KIAA1217: variants seen among roughly 807,000 people sequenced by gnomAD.
The protein encoded by KIAA1217 is KIAA1217, also known as sickle tail protein homolog.
Under a neutral mutation model 163.9 loss-of-function variants are expected in KIAA1217, and 88 were observed. The observed-to-expected ratio is 0.54, with a 90% CI of 0.45 to 0.64. The LOEUF (loss-of-function observed/expected upper bound fraction) is 0.64, where lower values mean the gene tolerates loss of function less well. KIAA1217 is among the 30% of genes least tolerant of loss of function. The probability of loss-of-function intolerance (pLI) is 0.00; values close to 1 mark genes in which losing one functional copy is unlikely to be tolerated. For missense variants in KIAA1217, 2,372 were observed against 2,475.0 expected (o/e 0.96, Z 0.88); for synonymous variants, 903 against 923.1 (o/e 0.98, Z 0.39).
intron 1 of KIAA1217, among the ~76,000 whole-genome samples, chr10:23,918,018 A>ATT (rs145898839): frequency 6.7e-6 from 1 of 149,916 alleles, no homozygotes; most frequent in African/African-American, 2.4e-5. Flanking sequence ...TTATCCCACA[A>ATT]TTTTTTTTTT....
chr10:24,173,451 C>T (rs1260872556), intron 2 of KIAA1217, among the ~76,000 whole-genome samples: 1 of 152,084 alleles, frequency 6.6e-6, no homozygotes, highest in African/African-American at 2.4e-5. Context: ...CTCAAAACCA[C>T]CCCCTGACCC....
intron 5 of KIAA1217, among the ~76,000 whole-genome samples, chr10:24,462,031 GA>G (rs1459912826): frequency 3.3e-5 from 5 of 152,122 alleles, no homozygotes; most frequent in African/African-American, 1.2e-4. Flanking sequence ...TGTGACTGAT[GA>G]TGACTTTGTG....
intron 1 of KIAA1217, among the ~76,000 whole-genome samples, chr10:23,751,761 T>A (rs1839749876): frequency 6.6e-6 from 1 of 152,214 alleles, no homozygotes; most frequent in South Asian, 2.1e-4. Flanking sequence ...TACTGTATTT[T>A]AAGCCATCTG....
At chr10:24,374,250 C>T (rs2052131986) in intron 2 of KIAA1217, among the ~76,000 whole-genome samples, 1 of 152,186 alleles carries the variant, frequency 6.6e-6, no homozygotes, top group African/African-American at 2.4e-5. Context: ...AGATATGCAC[C>T]GTTGGAAGTT....
At chr10:23,981,165 T>TA (rs1425072044) in intron 1 of KIAA1217, among the ~76,000 whole-genome samples, 1 of 152,260 alleles carries the variant, frequency 6.6e-6, no homozygotes, top group African/African-American at 2.4e-5. Flanking sequence ...CTGTTGAAGA[T>TA]ATTTATCAAT....
At chr10:24,541,626 T>C (rs1213614318) in intron 17 of KIAA1217, among the ~76,000 whole-genome samples, 1 of 152,168 alleles carries the variant, frequency 6.6e-6, no homozygotes, top group African/African-American at 2.4e-5. Flanking sequence ...CAGCAGTGCC[T>C]TGGAACCGAC....
At chr10:24,395,378 A>G (rs1244411024) in intron 3 of KIAA1217, among the ~76,000 whole-genome samples, 28 of 152,150 alleles carry the variant, frequency 1.8e-4, no homozygotes, top group Non-Finnish European at 5.9e-5. Flanking sequence ...CTGCACATAC[A>G]TCCCAAGTTA....
At chr10:24,075,184 C>T (rs1397156622) in intron 2 of KIAA1217, among the ~76,000 whole-genome samples, 1 of 151,130 alleles carries the variant, frequency 6.6e-6, no homozygotes, top group African/African-American at 2.4e-5. Context: ...CACATGCTCA[C>T]TACAGCCTCA....
chr10:23,778,561 A>C (rs1835109384), intron 1 of KIAA1217, among the ~76,000 whole-genome samples: 1 of 152,220 alleles, frequency 6.6e-6, no homozygotes, highest in Non-Finnish European at 1.5e-5. Flanking sequence ...CAGGGTAACT[A>C]GAAGTGGGAC....
chr10:24,181,239 G>A (rs1311531737), intron 2 of KIAA1217, among the ~76,000 whole-genome samples: 1 of 152,218 alleles, frequency 6.6e-6, no homozygotes, highest in East Asian at 1.9e-4. Context: ...TCTGAGAGGG[G>A]AACCTAATCT....
At chr10:23,778,455 T>TTGC (rs142457289) in intron 1 of KIAA1217, among the ~76,000 whole-genome samples, 1,566 of 152,298 alleles carry the variant, frequency 0.01, 45 homozygotes, top group African/African-American at 0.031. Flanking sequence ...AGATATTGCA[T>TTGC]TGTTGTCAAG....
At chr10:23,731,940 C>G (rs1359301239) in intron 1 of KIAA1217, among the ~76,000 whole-genome samples, 1 of 151,964 alleles carries the variant, frequency 6.6e-6, no homozygotes, top group African/African-American at 2.4e-5. Flanking sequence ...CCTTGCATAC[C>G]TGGGATAAAT....
intron 3 of KIAA1217, among the ~76,000 whole-genome samples, chr10:24,412,065 T>C (rs1482995540): frequency 6.6e-6 from 1 of 152,050 alleles, no homozygotes; most frequent in Non-Finnish European, 1.5e-5. Context: ...GAATCATCAG[T>C]GTAACCAAAA....
chr10:24,334,092 G>A (rs1030553797), intron 2 of KIAA1217, among the ~76,000 whole-genome samples: 7 of 152,152 alleles, frequency 4.6e-5, no homozygotes, highest in African/African-American at 1.7e-4. Context: ...TTAAAATTAT[G>A]AGCAATTGTG....
At chr10:23,750,426 T>A (rs536031938) in intron 1 of KIAA1217, among the ~76,000 whole-genome samples, 221 of 152,312 alleles carry the variant, frequency 1.5e-3, no homozygotes, top group African/African-American at 5.1e-3. Flanking sequence ...CTGTTTCAAC[T>A]GCCTAGAAAC....
At chr10:24,456,200 A>G (rs1470030010) in intron 5 of KIAA1217, among the ~76,000 whole-genome samples, 1 of 152,090 alleles carries the variant, frequency 6.6e-6, no homozygotes, top group Non-Finnish European at 1.5e-5. Flanking sequence ...CCATTTTCTC[A>G]AATATGATAT....
intron 1 of KIAA1217, among the ~76,000 whole-genome samples, chr10:23,720,303 G>T (rs1235230330): frequency 6.6e-6 from 1 of 152,124 alleles, no homozygotes; most frequent in Non-Finnish European, 1.5e-5. Context: ...TTACAATAAT[G>T]TCTAAATTGT....
chr10:24,487,731 G>C lies in KIAA1217; in HGVS notation c.1680-6769G>C, dbSNP rs12258638. On this transcript the variant is annotated intron_variant, in intron 6 of 20. Transcript: ENST00000376454. The stretch of plus-strand genomic sequence containing the variant: ...ACATTTTAGATGAGCCCCTTTGTTA[G>C]GTTACAGACTCTTTCCTGACTTGGG... Among the ~76,000 whole-genome samples, 5 of 152,112 alleles carry C rather than the reference G, an allele frequency of 3.3e-5. No individual in the cohort carries two copies. In the South Asian group the frequency reaches 6.2e-4, roughly 19 times the overall value.
chr10:23,946,276 A>C (rs1371863665), intron 1 of KIAA1217, among the ~76,000 whole-genome samples: 2 of 151,594 alleles, frequency 1.3e-5, no homozygotes, highest in Non-Finnish European at 2.9e-5. Context: ...TTAAAAAAAA[A>C]AAAAAAAAGT....
Sources: allele counts gnomAD v4.1 joint callset (sites outside exome capture counted in the v4.1 genomes callset), GRCh38; gene constraint gnomAD v4.1.1; transcripts MANE v1.5; gene names NCBI Gene and HGNC (gene_info 2026-07-23, HGNC 2026-07-21).